The following XYLT1 variants were observed in gnomAD, a reference collection of about 807,000 sequenced individuals.
XYLT1 encodes xylosyltransferase 1.
A neutral mutation model predicts 91.3 loss-of-function variants in XYLT1; 36 were observed. The ratio of observed to expected loss-of-function variants is 0.39; its 90% CI spans 0.30 to 0.52. The LOEUF (loss-of-function observed/expected upper bound fraction) is 0.52. Ranked by LOEUF, XYLT1 falls within the 20% of genes least tolerant of loss-of-function variation. XYLT1 has a pLI of 0.68. For synonymous variants in XYLT1, 588 were observed against 532.0 expected (o/e 1.11, Z -1.45); for missense variants, 1,242 against 1,284.5 (o/e 0.97, Z 0.51).
intron 3 of XYLT1, among the ~76,000 whole-genome samples, chr16:17,210,487 G>A (rs2032736533): frequency 6.6e-6 from 1 of 152,220 alleles, no homozygotes; most frequent in African/African-American, 2.4e-5. Flanking sequence ...TGAGGCAGGA[G>A]AATTGCTTGA....
chr16:17,396,009 G>A (rs1481282754), intron 1 of XYLT1, among the ~76,000 whole-genome samples: 1 of 152,188 alleles, frequency 6.6e-6, no homozygotes, highest in African/African-American at 2.4e-5. Flanking sequence ...AAGAGAACCA[G>A]ATGTTTAAAA....
At chr16:17,466,674 C>T (rs1449128718) in intron 1 of XYLT1, among the ~76,000 whole-genome samples, 2 of 152,034 alleles carry the variant, frequency 1.3e-5, no homozygotes, top group Admixed American at 6.5e-5. Context: ...ATGAAAAGAC[C>T]GGAAGGAAAG....
At chr16:17,375,503 C>CACACACACAG (rs1186558257) in intron 1 of XYLT1, among the ~76,000 whole-genome samples, 3 of 151,838 alleles carry the variant, frequency 2.0e-5, no homozygotes, top group African/African-American at 7.3e-5. Flanking sequence ...CACACACACA[C>CACACACACAG]AGAAAAGATT....
intron 3 of XYLT1, among the ~76,000 whole-genome samples, chr16:17,231,672 G>T (rs1206056252): frequency 1.3e-5 from 2 of 152,140 alleles, no homozygotes; most frequent in Admixed American, 1.3e-4. Flanking sequence ...AACCTGGACA[G>T]CATCATACTG....
intron 1 of XYLT1, among the ~76,000 whole-genome samples, chr16:17,444,412 T>G (rs2036568228): frequency 6.6e-6 from 1 of 152,196 alleles, no homozygotes. Flanking sequence ...CACAGCTCAC[T>G]GTAACCTCAA....
chr16:17,455,109 G>C (rs530961004), intron 1 of XYLT1, among the ~76,000 whole-genome samples: 7 of 152,114 alleles, frequency 4.6e-5, no homozygotes, highest in African/African-American at 1.7e-4. Flanking sequence ...TTTCTAAAAA[G>C]AGGCAAAAGT....
chr16:17,374,482 A>G (rs1260050349), intron 1 of XYLT1, among the ~76,000 whole-genome samples: 1 of 152,110 alleles, frequency 6.6e-6, no homozygotes, highest in Non-Finnish European at 1.5e-5. Context: ...CTGAAAACCA[A>G]CTCAGTGAAT....
chr16:17,168,812 T>C (rs987912335), intron 5 of XYLT1, among the ~76,000 whole-genome samples: 1 of 152,136 alleles, frequency 6.6e-6, no homozygotes, highest in Non-Finnish European at 1.5e-5. Flanking sequence ...AGGAAGCAGC[T>C]GCAGGATCTT....
At chr16:17,356,036 TG>T (rs374531150) in intron 2 of XYLT1, among the ~76,000 whole-genome samples, 30 of 152,078 alleles carry the variant, frequency 2.0e-4, no homozygotes, top group African/African-American at 6.5e-4. Context: ...TTCTTTCCAG[TG>T]GGGAGCTGGC....
chr16:17,127,370 G>A (rs1330735965), intron 10 of XYLT1, among the ~76,000 whole-genome samples: 3 of 152,160 alleles, frequency 2.0e-5, no homozygotes, highest in Admixed American at 6.5e-5. Flanking sequence ...TCGGTAAAAT[G>A]GGACTAATAT....
chr16:17,369,793 T>A (rs2035505312), intron 1 of XYLT1: 1 of 152,204 alleles, frequency 6.6e-6, no homozygotes, highest in African/African-American at 2.4e-5. Flanking sequence ...AAGAGGTTCT[T>A]AGCACCCACT....
Position 17,127,879 on chromosome 16 carries a change from C to T in XYLT1, c.2028-18G>A. ...GGTAGTATCTGAAAACACAGGCGCTCATGCATTAGGGCCCAAGGTGTGTAG... is the reference window on the plus strand; with the variant it reads ...GGTAGTATCTGAAAACACAGGCGCTTATGCATTAGGGCCCAAGGTGTGTAG... On this transcript the variant is annotated intron_variant, in intron 9 of 11. Coordinates refer to ENST00000261381, the MANE Select transcript of XYLT1 (RefSeq NM_022166.4). 1.4e-5 allele frequency: 22 copies of T among 1,609,940 alleles called. No homozygotes were observed. The highest frequency in any genetic ancestry group is 1.8e-5 in the Non-Finnish European group (21 of 1,178,236).
At chr16:17,353,500 C>T (rs1435740481) in intron 2 of XYLT1, among the ~76,000 whole-genome samples, 1 of 152,202 alleles carries the variant, frequency 6.6e-6, no homozygotes, top group African/African-American at 2.4e-5. Flanking sequence ...CAAAACACTA[C>T]TGATGCGCAG....
intron 2 of XYLT1, among the ~76,000 whole-genome samples, chr16:17,324,186 A>G (rs1198503448): frequency 6.6e-6 from 1 of 152,226 alleles, no homozygotes; most frequent in Non-Finnish European, 1.5e-5. Flanking sequence ...AAAGTGAGAA[A>G]TAAAAAGAAA....
intron 2 of XYLT1, among the ~76,000 whole-genome samples, chr16:17,266,887 T>C (rs2033813939): frequency 6.6e-6 from 1 of 152,152 alleles, no homozygotes; most frequent in Admixed American, 6.5e-5. Context: ...ACAGTGTGTG[T>C]GGCTGTACCA....
intron 11 of XYLT1, among the ~76,000 whole-genome samples, chr16:17,109,610 A>G (rs1330720226): frequency 6.6e-6 from 1 of 152,192 alleles, no homozygotes; most frequent in Non-Finnish European, 1.5e-5. Flanking sequence ...GTGGCCCACC[A>G]CTTGTGTTTG....
At chr16:17,149,398 C>A (rs988130374) in intron 6 of XYLT1, among the ~76,000 whole-genome samples, 11 of 151,968 alleles carry the variant, frequency 7.2e-5, no homozygotes, top group Non-Finnish European at 1.3e-4. Flanking sequence ...AAAAAAACAA[C>A]CTGAGAATGA....
chr16:17,339,385 T>C (rs960023955), intron 2 of XYLT1, among the ~76,000 whole-genome samples: 2 of 152,240 alleles, frequency 1.3e-5, no homozygotes, highest in African/African-American at 4.8e-5. Context: ...GATATTTTCA[T>C]GTCACATTGC....
chr16:17,171,019 G>A (rs1159336370), intron 5 of XYLT1, among the ~76,000 whole-genome samples: 1 of 152,134 alleles, frequency 6.6e-6, no homozygotes, highest in Non-Finnish European at 1.5e-5. Flanking sequence ...AAATAAGAGG[G>A]AATAATCTGT....
Sources: allele counts gnomAD v4.1 joint callset (sites outside exome capture counted in the v4.1 genomes callset), GRCh38; gene constraint gnomAD v4.1.1; transcripts MANE v1.5; gene names NCBI Gene and HGNC (gene_info 2026-07-23, HGNC 2026-07-21).